F12: variants seen among roughly 807,000 people sequenced by gnomAD.
F12 encodes the protein coagulation factor XII, also known as Hageman factor.
Under a neutral mutation model 74.8 loss-of-function variants are expected in F12, and 70 were observed. The ratio of observed to expected loss-of-function variants is 0.94; its 90% CI spans 0.77 to 1.14. The LOEUF (loss-of-function observed/expected upper bound fraction) is 1.14, where lower values mean the gene tolerates loss of function less well. Among genes scored for constraint, F12 ranks in the 50% most tolerant of loss-of-function variants. The probability of loss-of-function intolerance (pLI) is 0.00; values close to 1 mark genes in which losing one functional copy is unlikely to be tolerated. For synonymous variants in F12, 373 were observed against 356.4 expected, an observed-to-expected ratio of 1.05 and a Z score of -0.52; for missense variants, 811 against 835.7, an observed-to-expected ratio of 0.97 and a Z score of 0.36.
intron 1 of F12, 142 bp downstream of exon 1, chr5:177,409,329 G>T: frequency 9.4e-7 from 1 of 1,064,334 alleles, no homozygotes; most frequent in Non-Finnish European, 1.4e-6. Flanking sequence ...CTCTGCCTGG[G>T]CCTTCCGGGC....
rs757168623 is a variant in F12, at chr5:177,404,853, C to T, written c.591G>A (p.Leu197=). The change falls in exon 7 of 14, where the codon CTG becomes CTA. Residue 197 remains leucine, a synonymous_variant. Coordinates refer to ENST00000253496, the MANE Select transcript of F12 (RefSeq NM_000505.4). ...CGGTGTAGCCCACCGGGCAGTGGCACAGGCGGTGGCCCTCCACCTCTAGGC... is the reference window on the plus strand; with the variant it reads ...CGGTGTAGCCCACCGGGCAGTGGCATAGGCGGTGGCCCTCCACCTCTAGGC... ...GRCLEVEGHR[L]CHCPVGYTGA... is the part of the protein sequence containing the mutation. 1 of 1,610,040 alleles carries T rather than the reference C, an allele frequency of 6.2e-7. No homozygotes were observed. The highest frequency in any genetic ancestry group is 8.5e-7 in the Non-Finnish European group (1 of 1,179,104).
intron 12 of F12, 163 bp from the exon 13 acceptor site, chr5:177,402,861 AG>A: frequency 2.0e-6 from 2 of 1,007,732 alleles, no homozygotes; most frequent in Non-Finnish European, 3.0e-6. Flanking sequence ...ATAGGCAAGG[AG>A]GCTGAGGTCC....
chr5:177,407,589 A>G (rs1406150355), intron 2 of F12, among the ~76,000 whole-genome samples: 1 of 152,200 alleles, frequency 6.6e-6, no homozygotes, highest in African/African-American at 2.4e-5. Context: ...GTTCGAGACC[A>G]GCCTGGCCAA....
In F12 at chr5:177,404,182, C is replaced by G. The variant is rs779057710; in HGVS notation, c.1018+14G>C. ...CGCCCTCTCGGCTCCTCCTTCCCCC[C>G]CCCACTTCCTAACCTCCCGGGGTCT... On this transcript the variant is annotated intron_variant, in intron 9 of 13. Transcript: ENST00000253496. 1.8e-5 allele frequency: 29 copies of G among 1,594,014 alleles called. No homozygotes were observed. Among genetic ancestry groups the G allele is most frequent in the Admixed American group, 1.4e-4 (8 of 56,940 alleles).
At chr5:177,407,802 C>T (rs1217528218) in intron 2 of F12, among the ~76,000 whole-genome samples, 1 of 148,432 alleles carries the variant, frequency 6.7e-6, no homozygotes, top group Non-Finnish European at 1.5e-5. Context: ...AAAAAAGATG[C>T]AGATGGGATG....
In F12 at chr5:177,405,961, C is replaced by T; in HGVS notation, c.215+1G>A. 3.1e-6 allele frequency: 5 copies of T among 1,613,728 alleles called. No individual in the cohort carries two copies. Among genetic ancestry groups the T allele is most frequent in the Non-Finnish European group, 4.2e-6 (5 of 1,179,718 alleles). On this transcript the variant is annotated splice_donor_variant, in intron 3 of 13. Transcript: ENST00000253496. LOFTEE classifies it high-confidence loss of function. ...GCTCCAACTCCTCTGCGTAGTCTTACCAGGGCTGAGGGCCTGGCCGGCCCT... is the reference window on the plus strand; with the variant it reads ...GCTCCAACTCCTCTGCGTAGTCTTATCAGGGCTGAGGGCCTGGCCGGCCCT...
chr5:177,404,368 G>A lies in F12; in HGVS notation c.846C>T (p.Arg282=), dbSNP rs778581310. The A allele has an allele frequency of 7.4e-6, 12 of 1,611,942 alleles. No individual in the cohort carries two copies. The highest frequency in any genetic ancestry group is 2.7e-5 in the African/African-American group (2 of 75,024). Residue 282 remains arginine, a synonymous_variant, in exon 9 of 14, where the codon CGC becomes CGT. Coordinates refer to ENST00000253496, the MANE Select transcript of F12 (RefSeq NM_000505.4). Reference sequence around the variant, plus strand: ...CGCAGTACTCCCAGCTCAGCCGGTCGCGGTTCAGCACGAAGCACCACGGGC... The same window carrying A: ...CGCAGTACTCCCAGCTCAGCCGGTCACGGTTCAGCACGAAGCACCACGGGC... ...DIRPWCFVLN[R]DRLSWEYCDL... is the part of the protein sequence containing the mutation.
At chr5:177,405,634 G>T in intron 4 of F12, 101 bp downstream of exon 4, 6 of 1,305,474 alleles carry the variant, frequency 4.6e-6, no homozygotes, top group Non-Finnish European at 6.7e-6. Flanking sequence ...GAGAGAAGGG[G>T]CTGGGTCCAG....
chr5:177,405,456 G>A (rs747955892), intron 4 of F12, 23 bp from the exon 5 acceptor site: 179 of 1,602,618 alleles, frequency 1.1e-4, no homozygotes, highest in Non-Finnish European at 1.5e-4. Context: ...CATGGTGGAA[G>A]GAAGAGCAGG....
At chr5:177,403,755 G>A in intron 10 of F12, 104 bp downstream of exon 10, 3 of 1,462,866 alleles carry the variant, frequency 2.1e-6, no homozygotes, top group African/African-American at 1.4e-5. Context: ...AAGAAGGGTG[G>A]GGCGGGAGAA....
Position 177,404,250 on chromosome 5 carries a change from G to A in F12, c.964C>T (p.Pro322Ser). 6.3e-7 allele frequency: 1 copy of A among 1,597,240 alleles called. No homozygotes were observed. ...HVPLMPAQPA[P>S]PKPQPTTRTP... is the part of the protein sequence containing the mutation. ...CGGGTCGTGGGCTGAGGCTTCGGCG[G>A]TGCCGGCTGCGCGGGCATGAGTGGG... is the stretch of plus-strand genomic sequence containing the variant. The change falls in exon 9 of 14, where the codon CCG becomes TCG. Residue 322 changes from proline (P) to serine (S), a missense_variant. Pro to Ser is a moderately conservative substitution (Grantham distance 74). Transcript: ENST00000253496.
At chr5:177,406,310 A>C (rs1763292359) in intron 2 of F12, among the ~76,000 whole-genome samples, 2 of 152,112 alleles carry the variant, frequency 1.3e-5, no homozygotes, top group South Asian at 2.1e-4. Context: ...AATACAGTGA[A>C]ACCCCCTCTC....
chr5:177,405,034 G>A lies in F12; in HGVS notation c.529+20C>T, dbSNP rs774775295. On this transcript the variant is annotated intron_variant, in intron 6 of 13. Coordinates refer to ENST00000253496, the MANE Select transcript of F12 (RefSeq NM_000505.4). ...TCTTCCTGACGCTCCTCCCTGGCCCGTTCCCAACCATCTGCTCACCCTGGC... is the reference window on the plus strand; with the variant it reads ...TCTTCCTGACGCTCCTCCCTGGCCCATTCCCAACCATCTGCTCACCCTGGC... The A allele has an allele frequency of 6.8e-6, 11 of 1,609,994 alleles. No individual in the cohort carries two copies. The highest frequency in any genetic ancestry group is 2.2e-5 in the East Asian group (1 of 44,880).
intron 12 of F12, 103 bp from the exon 13 acceptor site, chr5:177,402,801 C>T: frequency 6.6e-7 from 1 of 1,512,106 alleles, no homozygotes; most frequent in South Asian, 1.2e-5. Context: ...TCATGCCCTT[C>T]CTCTCTCGCA....
chr5:177,406,006 C>T lies in F12; in HGVS notation c.171G>A (p.Leu57=), dbSNP rs551689982. ...GGCCCTTGTGGGTACATTTGTGGTA[C>T]AGCTGCCGGTGGTACTGGAAGGGGA... ...CHFPFQYHRQ[L]YHKCTHKGRP... The change falls in exon 3 of 14, where the codon CTG becomes CTA. Residue 57 remains leucine (L), a synonymous_variant. Coordinates refer to ENST00000253496, the MANE Select transcript of F12 (RefSeq NM_000505.4). 2.5e-6 allele frequency: 4 copies of T among 1,614,106 alleles called. No homozygotes were observed. Among genetic ancestry groups the T allele is most frequent in the Admixed American group, 3.3e-5 (2 of 60,028 alleles).
Position 177,402,288 on chromosome 5 carries a change from G to C in F12, c.*4C>G. ...CAAGGAGGGAAAGATGAGTCCCTGA[G>C]CAATCAGGAAACGGTGTGCTCCCGG... On this transcript the variant is annotated 3_prime_UTR_variant, in exon 14 of 14. Coordinates refer to ENST00000253496, the MANE Select transcript of F12 (RefSeq NM_000505.4). 2 of 1,613,604 alleles carry C rather than the reference G, an allele frequency of 1.2e-6. No homozygotes were observed. The highest frequency in any genetic ancestry group is 2.2e-5 in the South Asian group (2 of 91,030).
At chr5:177,404,705 T>C in intron 7 of F12, 41 bp from the exon 8 acceptor site, 1 of 1,604,778 alleles carries the variant, frequency 6.2e-7, no homozygotes, top group Non-Finnish European at 8.5e-7. Flanking sequence ...AAGGCTGGGC[T>C]CTCCTGCCTC....
chr5:177,404,706 C>T (rs751885355), intron 7 of F12, 42 bp from the exon 8 acceptor site: 114 of 1,604,610 alleles, frequency 7.1e-5, no homozygotes, highest in Non-Finnish European at 9.2e-5. Flanking sequence ...AGGCTGGGCT[C>T]TCCTGCCTCC....
At chr5:177,407,253 G>C (rs538731165) in intron 2 of F12, among the ~76,000 whole-genome samples, 2 of 152,360 alleles carry the variant, frequency 1.3e-5, no homozygotes, top group South Asian at 4.1e-4. Flanking sequence ...CTAGTTCAAT[G>C]TTCACTGTGA....
Sources: allele counts gnomAD v4.1 joint callset (sites outside exome capture counted in the v4.1 genomes callset), GRCh38; gene constraint gnomAD v4.1.1; transcripts MANE v1.5; gene names NCBI Gene and HGNC (gene_info 2026-07-23, HGNC 2026-07-21).